Variants in DRC8 observed in about 807,000 individuals in gnomAD.
DRC8 encodes dynein regulatory complex protein 8.
At chr1:245,038,536 G>T in the DRC8 span, among the ~76,000 whole-genome samples, 1 of 152,164 alleles carries the variant, frequency 6.6e-6, no homozygotes, top group Non-Finnish European at 1.5e-5. Context: ...ATCCTCTATT[G>T]TTAAAACAGT....
chr1:245,059,455 A>G, the DRC8 span: 1 of 1,612,540 alleles, frequency 6.2e-7, no homozygotes, highest in Non-Finnish European at 8.5e-7. Context: ...ATCTGATTGC[A>G]GAGGTGAGTA....
the DRC8 span, chr1:245,083,298 C>G: frequency 2.5e-5 from 18 of 716,004 alleles, no homozygotes; most frequent in Non-Finnish European, 4.4e-5. Context: ...ATCCCCAAAC[C>G]ATCCCTCCCC....
the DRC8 span, among the ~76,000 whole-genome samples, chr1:245,007,277 GT>G: frequency 2.0e-5 from 3 of 152,090 alleles, no homozygotes; most frequent in African/African-American, 7.2e-5. Context: ...ATGGAGGACT[GT>G]TTTAGTTTCA....
chr1:245,083,371 G>A, the DRC8 span: 1 of 1,410,396 alleles, frequency 7.1e-7, no homozygotes, highest in Non-Finnish European at 1.0e-6. Flanking sequence ...AAGGGTTGGA[G>A]ACTGCTGATT....
chr1:245,060,577 T>C, the DRC8 span, among the ~76,000 whole-genome samples: 1 of 150,194 alleles, frequency 6.7e-6, no homozygotes, highest in Non-Finnish European at 1.5e-5. Flanking sequence ...TTTCCTGAAT[T>C]GATGCTCACA....
chr1:244,981,210 A>G, the DRC8 span, among the ~76,000 whole-genome samples: 8 of 152,122 alleles, frequency 5.3e-5, no homozygotes, highest in African/African-American at 1.9e-4. Flanking sequence ...ACCGCCAAAA[A>G]AAAATGTTGA....
chr1:244,997,310 CTT>C, the DRC8 span, among the ~76,000 whole-genome samples: 90,273 of 151,636 alleles, frequency 0.6, 27,276 homozygotes, highest in East Asian at 0.75. Context: ...TACAAATACT[CTT>C]TTTATAGACT....
chr1:245,049,432 A>G, the DRC8 span, among the ~76,000 whole-genome samples: 2 of 152,214 alleles, frequency 1.3e-5, no homozygotes, highest in Non-Finnish European at 2.9e-5. This position sits in a 1 kb window ranked among gnomAD's most constrained non-coding sequence, Gnocchi z 4.5. Flanking sequence ...ATTTCTAAAC[A>G]GTACAAAACT....
chr1:244,991,423 A>G, the DRC8 span, among the ~76,000 whole-genome samples: 1 of 152,102 alleles, frequency 6.6e-6, no homozygotes, highest in Non-Finnish European at 1.5e-5. Context: ...ATCACTGGCC[A>G]TTCGAGATTC....
the DRC8 span, among the ~76,000 whole-genome samples, chr1:245,073,373 T>C: frequency 1.3e-5 from 2 of 152,172 alleles, no homozygotes; most frequent in Non-Finnish European, 2.9e-5. Flanking sequence ...TGGCCTCAGG[T>C]GATCTGGCCA....
At chr1:245,023,075 T>G in the DRC8 span, 1 of 152,224 alleles carries the variant, frequency 6.6e-6, no homozygotes, top group Non-Finnish European at 1.5e-5. Context: ...GCATGGCCCC[T>G]GCACGAGGAT....
chr1:244,975,922 GTGTT>G, the DRC8 span, among the ~76,000 whole-genome samples: 1 of 152,006 alleles, frequency 6.6e-6, no homozygotes, highest in Admixed American at 6.6e-5. Context: ...GGGAAAGAAA[GTGTT>G]TGGTACGTAT....
the DRC8 span, among the ~76,000 whole-genome samples, chr1:244,990,147 A>T: frequency 6.6e-6 from 1 of 152,236 alleles, no homozygotes; most frequent in African/African-American, 2.4e-5. Flanking sequence ...GTAGCCTGAC[A>T]CTGCATCATG....
At chr1:244,978,984 TA>T in the DRC8 span, among the ~76,000 whole-genome samples, 1 of 152,166 alleles carries the variant, frequency 6.6e-6, no homozygotes, top group African/African-American at 2.4e-5. Flanking sequence ...AATAATGTGA[TA>T]AGTGCTATGA....
the DRC8 span, among the ~76,000 whole-genome samples, chr1:245,021,429 A>G: frequency 6.6e-6 from 1 of 151,742 alleles, no homozygotes; most frequent in Non-Finnish European, 1.5e-5. Flanking sequence ...CTTTATATAT[A>G]TATAGTTTTT....
At chr1:244,982,084 G>A in the DRC8 span, among the ~76,000 whole-genome samples, 1 of 152,148 alleles carries the variant, frequency 6.6e-6, no homozygotes, top group African/African-American at 2.4e-5. Context: ...GACCTACAAG[G>A]TGGAGACTCT....
At chr1:245,009,470 ATT>A in the DRC8 span, among the ~76,000 whole-genome samples, 1 of 139,672 alleles carries the variant, frequency 7.2e-6, no homozygotes, top group African/African-American at 2.7e-5. Context: ...AATCCAAACG[ATT>A]TTTTTTTTTT....
chr1:245,117,780 C>G, the DRC8 span, among the ~76,000 whole-genome samples: 1 of 152,040 alleles, frequency 6.6e-6, no homozygotes. Context: ...ACCAGCCTGG[C>G]CAACGTGGCA....
chr1:245,104,676 ATCATT>A, the DRC8 span, among the ~76,000 whole-genome samples: 1 of 152,130 alleles, frequency 6.6e-6, no homozygotes, highest in African/African-American at 2.4e-5. Context: ...TAGACATCAC[ATCATT>A]TCACCTATAA....
Sources: allele counts gnomAD v4.1 joint callset (sites outside exome capture counted in the v4.1 genomes callset), GRCh38; gene constraint gnomAD v4.1.1; non-coding constraint Gnocchi (gnomAD v3.1); transcripts MANE v1.5; gene names NCBI Gene and HGNC (gene_info 2026-07-23, HGNC 2026-07-21).